Variants in RPTOR observed in about 807,000 individuals in gnomAD.
RPTOR encodes the protein regulatory-associated protein of mTOR.
Under a neutral mutation model 169.9 loss-of-function variants are expected in RPTOR, and 21 were observed. The ratio of observed to expected loss-of-function variants is 0.12; its 90% confidence interval spans 0.09 to 0.18. RPTOR has a LOEUF of 0.18. Among genes scored for constraint, RPTOR ranks in the 10% least tolerant of loss-of-function variants. The pLI, the probability that RPTOR is intolerant of heterozygous loss-of-function variation, is 1.00. For missense variants in RPTOR, 1,133 were observed against 1,855.9 expected (o/e 0.61, Z 7.16); for synonymous variants, 732 against 753.2 (o/e 0.97, Z 0.46).
intron 7 of RPTOR, among the ~76,000 whole-genome samples, chr17:80,792,518 T>C (rs1446669161): frequency 6.6e-6 from 1 of 152,150 alleles, no homozygotes; most frequent in Non-Finnish European, 1.5e-5. Flanking sequence ...GGTCCTGATG[T>C]GGAGTGGTCT....
chr17:80,600,986 G>C (rs2065181638), intron 1 of RPTOR, among the ~76,000 whole-genome samples: 1 of 152,060 alleles, frequency 6.6e-6, no homozygotes, highest in Non-Finnish European at 1.5e-5. Flanking sequence ...CGAAGTTGCT[G>C]TTCTTTCCCT....
At chr17:80,547,760 G>C (rs960118904) in intron 1 of RPTOR, among the ~76,000 whole-genome samples, 2 of 152,146 alleles carry the variant, frequency 1.3e-5, no homozygotes, top group Non-Finnish European at 2.9e-5. Flanking sequence ...TATTGAGTGG[G>C]GATGGTAGCA....
intron 10 of RPTOR, among the ~76,000 whole-genome samples, chr17:80,840,606 ACT>A (rs1484469599): frequency 2.5e-5 from 1 of 39,802 alleles, no homozygotes. Flanking sequence ...ACGGCAGCTC[ACT>A]CTCACCACAC....
intron 3 of RPTOR, among the ~76,000 whole-genome samples, chr17:80,647,367 TAGG>T (rs1488890647): frequency 1.3e-5 from 2 of 151,874 alleles, no homozygotes; most frequent in African/African-American, 4.8e-5. Flanking sequence ...GAAATGGGAG[TAGG>T]AGATTATTAT....
Position 80,844,149 on chromosome 17 carries a change from C to T in RPTOR, c.1213-2324C>T, listed in dbSNP as rs144799850. ...CATGGGTGGAGACACGGGCCGCTCT[C>T]GAGATGTTTTCCGGAATATCATATA... On this transcript the variant is annotated intron_variant, in intron 10 of 33. Transcript: ENST00000306801. The surrounding 1 kb of genome is among the most constrained non-coding windows in gnomAD (Gnocchi z 4.7). Among the ~76,000 whole-genome samples the T allele has an allele frequency of 5.3e-5, 8 of 152,298 alleles. No individual in the cohort carries two copies. In the East Asian group the frequency reaches 1.4e-3, roughly 26 times the overall value.
chr17:80,636,832 G>A (rs938825396), intron 2 of RPTOR, among the ~76,000 whole-genome samples: 4 of 152,106 alleles, frequency 2.6e-5, no homozygotes, highest in Admixed American at 1.3e-4. Context: ...TCCTGAATCC[G>A]TGCCTCTTCC....
At chr17:80,846,604 C>T (rs563193200) in intron 11 of RPTOR, 30 bp downstream of exon 11, 42 of 1,596,834 alleles carry the variant, frequency 2.6e-5, no homozygotes, top group Middle Eastern at 1.7e-4. Flanking sequence ...GCCAGACAGC[C>T]GAGGTTCCTC....
At position 80,855,457 on chromosome 17, in the gene RPTOR, C is replaced by G. The variant is rs2067841912; in HGVS notation, c.1315-7C>G. On this transcript the variant is annotated splice_polypyrimidine_tract_variant and splice_region_variant and intron_variant, in intron 11 of 33. Transcript: ENST00000306801. ...GCAGTGATACCATTTTCTTCTTGTT[C>G]TTCCAGGTGCTGTTAAGCCAAGTGC... 1 of 1,610,260 alleles carries G rather than the reference C, an allele frequency of 6.2e-7. No homozygotes were observed. The highest frequency in any genetic ancestry group is 8.5e-7 in the Non-Finnish European group (1 of 1,176,562).
intron 18 of RPTOR, 49 bp downstream of exon 18, chr17:80,891,886 C>G: frequency 7.5e-7 from 1 of 1,335,650 alleles, no homozygotes; most frequent in African/African-American, 1.5e-5. Context: ...CCTGGCGGTT[C>G]TAGTGCAGGC....
chr17:80,845,414 G>A lies in RPTOR; in HGVS notation c.1213-1059G>A, dbSNP rs535695478. ...CGCCCTCACCCCAGAGAGTACCCTC[G>A]TTTCCCATTTCACTGAGGAAACAAG... On this transcript the variant is annotated intron_variant, in intron 10 of 33. Transcript: ENST00000306801. This position sits in a 1 kb window ranked among gnomAD's most constrained non-coding sequence, Gnocchi z 5.4. Among the ~76,000 whole-genome samples the A allele has an allele frequency of 3.9e-5, 6 of 152,008 alleles. No individual in the cohort carries two copies. The highest frequency in any genetic ancestry group is 1.9e-4 in the East Asian group (1 of 5,152).
chr17:80,670,799 C>A (rs978974941), intron 3 of RPTOR, among the ~76,000 whole-genome samples: 11 of 152,098 alleles, frequency 7.2e-5, no homozygotes, highest in Non-Finnish European at 1.5e-5. Flanking sequence ...AGCCCCCCAA[C>A]TCCCCCCCAC....
At chr17:80,811,565 T>G (rs9901747) in intron 7 of RPTOR, among the ~76,000 whole-genome samples, 1 of 70,712 alleles carries the variant, frequency 1.4e-5, no homozygotes, top group African/African-American at 5.1e-5. Context: ...CCTCACTCTA[T>G]CCACAGAACA....
chr17:80,649,986 C>T (rs948701601), intron 3 of RPTOR, among the ~76,000 whole-genome samples: 5 of 152,244 alleles, frequency 3.3e-5, no homozygotes, highest in African/African-American at 1.2e-4. Context: ...TTATTCCGGA[C>T]TCTTTAGACC....
chr17:80,587,132 C>T (rs1356413963), intron 1 of RPTOR, among the ~76,000 whole-genome samples: 1 of 151,118 alleles, frequency 6.6e-6, no homozygotes, highest in Non-Finnish European at 1.5e-5. Context: ...ACCGGCCCGG[C>T]GCAGCCCCGC....
At chr17:80,805,152 A>C (rs1329561823) in intron 7 of RPTOR, 3 of 152,266 alleles carry the variant, frequency 2.0e-5, no homozygotes, top group Non-Finnish European at 4.4e-5. Flanking sequence ...TTTCAGAGAC[A>C]GAAAGATCCA....
In RPTOR at chr17:80,706,877, C is replaced by T. The variant is rs116404876; in HGVS notation, c.349-964C>T. Among the ~76,000 whole-genome samples, 678 of 152,286 alleles carry T rather than the reference C, an allele frequency of 4.5e-3. 7 individuals carry two copies. The highest frequency in any genetic ancestry group is 0.016 in the African/African-American group (657 of 41,560). ...CAGGGAGCATCTTCCCATTTGTTCA[C>T]GTCTTCTGTGTTTTCCAGGAGAGCT... On this transcript the variant is annotated intron_variant, in intron 3 of 33. Transcript: ENST00000306801.
At chr17:80,694,164 C>T (rs867834221) in intron 3 of RPTOR, among the ~76,000 whole-genome samples, 5 of 152,266 alleles carry the variant, frequency 3.3e-5, no homozygotes, top group Middle Eastern at 3.2e-3. Flanking sequence ...GCCTCAGGTG[C>T]CTCATCTGGG....
intron 1 of RPTOR, among the ~76,000 whole-genome samples, chr17:80,613,441 C>T (rs1029208758): frequency 2.6e-5 from 4 of 152,232 alleles, no homozygotes; most frequent in Non-Finnish European, 4.4e-5. Context: ...TTAATGAAGA[C>T]GTTCAAAGTG....
chr17:80,868,925 G>A (rs1455200060), intron 13 of RPTOR, among the ~76,000 whole-genome samples: 1 of 152,146 alleles, frequency 6.6e-6, no homozygotes, highest in African/African-American at 2.4e-5. Flanking sequence ...GAAAGAAGAT[G>A]AGCTGCTGCT....
Sources: allele counts gnomAD v4.1 joint callset (sites outside exome capture counted in the v4.1 genomes callset), GRCh38; gene constraint gnomAD v4.1.1; non-coding constraint Gnocchi (gnomAD v3.1); transcripts MANE v1.5; gene names NCBI Gene and HGNC (gene_info 2026-07-23, HGNC 2026-07-21).